ANO3: variants seen among roughly 807,000 people sequenced by gnomAD.
ANO3 encodes anoctamin-3.
In ANO3, 99 loss-of-function variants were observed where a neutral mutation model predicts 144.8. The observed-to-expected ratio is 0.68, with a 90% confidence interval of 0.58 to 0.81. The LOEUF is 0.81. Among genes scored for constraint, ANO3 ranks in the 30% least tolerant of loss-of-function variants. ANO3 has a pLI of 0.00. For synonymous variants in ANO3, 414 were observed against 392.6 expected, an observed-to-expected ratio of 1.05 and a Z score of -0.64; for missense variants, 905 against 1,202.2, an observed-to-expected ratio of 0.75 and a Z score of 3.66.
intron 14 of ANO3, among the ~76,000 whole-genome samples, chr11:26,576,464 C>T (rs1015446903): frequency 6.6e-6 from 1 of 152,094 alleles, no homozygotes; most frequent in Non-Finnish European, 1.5e-5. Flanking sequence ...TGTACAAGCA[C>T]ATATTAGATT....
rs373307262 is a variant in ANO3, at chr11:26,533,001, A to G, written c.870-1455A>G. On this transcript the variant is annotated intron_variant, in intron 8 of 26. Transcript: ENST00000256737. ...GGAATGCTGAATCAATTTAATGGGGAAAGAGGCAGGTGGACATTCCTTCTC... is the reference window on the plus strand; with the variant it reads ...GGAATGCTGAATCAATTTAATGGGGGAAGAGGCAGGTGGACATTCCTTCTC... Among the ~76,000 whole-genome samples the G allele has an allele frequency of 1.1e-3, 175 of 152,304 alleles. 4 individuals are homozygous for G. In the East Asian group the frequency reaches 0.031, roughly 27 times the overall value.
intron 14 of ANO3, among the ~76,000 whole-genome samples, chr11:26,589,490 G>GTT (rs201687640): frequency 6.6e-5 from 10 of 150,422 alleles, no homozygotes; most frequent in South Asian, 6.3e-4. Flanking sequence ...CAATTCAATG[G>GTT]GTTTTTTGCA....
chr11:26,292,901 A>C (rs1853992858), intron 1 of ANO3, among the ~76,000 whole-genome samples: 1 of 152,140 alleles, frequency 6.6e-6, no homozygotes, highest in Non-Finnish European at 1.5e-5. Context: ...ACGAGGAGGC[A>C]GTCTGTCCGT....
intron 14 of ANO3, chr11:26,560,887 A>T (rs976285116): frequency 3.5e-6 from 2 of 566,896 alleles, no homozygotes; most frequent in Non-Finnish European, 2.9e-6. Context: ...AATTGTAAGA[A>T]AGAAAACCTT....
chr11:26,586,287 C>T (rs1851272408), intron 14 of ANO3, among the ~76,000 whole-genome samples: 1 of 150,842 alleles, frequency 6.6e-6, no homozygotes, highest in Admixed American at 6.6e-5. Flanking sequence ...GTTAGTTTGT[C>T]AGTTCTTCCA....
intron 1 of ANO3, among the ~76,000 whole-genome samples, chr11:26,339,556 CCTGT>C (rs1040468213): frequency 6.6e-6 from 1 of 152,136 alleles, no homozygotes; most frequent in African/African-American, 2.4e-5. Context: ...GCATTTCACT[CCTGT>C]CTAATTTTCA....
chr11:26,521,564 A>G (rs1306457617), intron 6 of ANO3, among the ~76,000 whole-genome samples: 1 of 152,094 alleles, frequency 6.6e-6, no homozygotes, highest in Non-Finnish European at 1.5e-5. Context: ...TACATGTTGG[A>G]CTTGATGTTT....
chr11:26,305,955 T>G (rs1854369708), upstream of ANO3, among the ~76,000 whole-genome samples: 1 of 152,070 alleles, frequency 6.6e-6, no homozygotes, highest in South Asian at 2.1e-4. Flanking sequence ...CTGCACTTTA[T>G]TCTTCCTATT....
chr11:26,641,835 A>T, intron 21 of ANO3, 61 bp from the exon 22 acceptor site: 1 of 1,519,784 alleles, frequency 6.6e-7, no homozygotes, highest in Non-Finnish European at 8.9e-7. Context: ...AATTCACTAT[A>T]CATTGTTAAC....
chr11:26,350,469 G>A (rs780362673), intron 1 of ANO3, among the ~76,000 whole-genome samples: 2 of 152,110 alleles, frequency 1.3e-5, no homozygotes, highest in African/African-American at 2.4e-5. Context: ...CTTTGAAATT[G>A]TTTCTTTTTA....
At chr11:26,473,272 C>T (rs1859845919) in intron 4 of ANO3, among the ~76,000 whole-genome samples, 1 of 151,896 alleles carries the variant, frequency 6.6e-6, no homozygotes, top group Non-Finnish European at 1.5e-5. Flanking sequence ...ATTTTTAAAA[C>T]AGAAATAAAT....
intron 6 of ANO3, among the ~76,000 whole-genome samples, chr11:26,522,215 A>AAC (rs141385317): frequency 1.3e-4 from 13 of 98,784 alleles, no homozygotes; most frequent in South Asian, 8.0e-4. Context: ...CAACAACAAC[A>AAC]AAAAAAAAAC....
intron 1 of ANO3, among the ~76,000 whole-genome samples, chr11:26,316,311 G>C (rs1854624254): frequency 6.6e-6 from 1 of 152,202 alleles, no homozygotes; most frequent in Non-Finnish European, 1.5e-5. Flanking sequence ...AGTGAGGGCA[G>C]GGGTAGGTTA....
chr11:26,240,244 A>G (rs1358856622), intron 1 of ANO3, among the ~76,000 whole-genome samples: 2 of 152,216 alleles, frequency 1.3e-5, no homozygotes, highest in African/African-American at 4.8e-5. Flanking sequence ...TTCAGTGACT[A>G]TAGTTTTCAT....
chr11:26,442,095 C>A lies in ANO3; in HGVS notation c.224C>A (p.Thr75Asn). The A allele has an allele frequency of 6.2e-7, 1 of 1,612,188 alleles. No individual in the cohort carries two copies. Among genetic ancestry groups the A allele is most frequent in the Non-Finnish European group, 8.5e-7 (1 of 1,179,596 alleles). Reference sequence around the variant, plus strand: ...CCCACATCTATAACCTTAATCTCCACTGACAAAGCAGAGCAAGGTGAGCAG... The same window carrying A: ...CCCACATCTATAACCTTAATCTCCAATGACAAAGCAGAGCAAGGTGAGCAG... ...QAPTSITLIS[T>N]DKAEQVNTEE... The change falls in exon 2 of 27, where the codon ACT becomes AAT. Residue 75 changes from threonine to asparagine, a missense_variant. Coordinates refer to ENST00000256737, the MANE Select transcript of ANO3 (RefSeq NM_031418.4).
chr11:26,530,241 T>C (rs956936811), intron 7 of ANO3, among the ~76,000 whole-genome samples: 1 of 152,212 alleles, frequency 6.6e-6, no homozygotes, highest in Non-Finnish European at 1.5e-5. Flanking sequence ...AGGCAAGAAG[T>C]TAAATAACTT....
intron 1 of ANO3, among the ~76,000 whole-genome samples, chr11:26,255,777 G>T (rs919953245): frequency 3.3e-5 from 5 of 152,074 alleles, no homozygotes; most frequent in Non-Finnish European, 7.4e-5. Context: ...GGTTCCTGGA[G>T]CAAACAACTA....
chr11:26,656,368 G>A lies in ANO3; in HGVS notation c.2658-8G>A, dbSNP rs753670908. 1 of 1,575,666 alleles carries A rather than the reference G, an allele frequency of 6.3e-7. No individual in the cohort carries two copies. The highest frequency in any genetic ancestry group is 1.1e-5 in the South Asian group (1 of 89,324). On this transcript the variant is annotated splice_polypyrimidine_tract_variant and splice_region_variant and intron_variant, in intron 25 of 26. Coordinates refer to ENST00000256737, the MANE Select transcript of ANO3 (RefSeq NM_031418.4). The stretch of plus-strand genomic sequence containing the variant: ...ATTTGTCATTCTCTTTGTTTTTGTG[G>A]ATTTCAGGTACAGAGACTACAGAGG...
chr11:26,624,394 A>T lies in ANO3; in HGVS notation c.1837-68A>T. ...ACATACATTATAGATGTTTCTTCAA[A>T]TAGTGTAAATACCAGCCTTTTCCAA... On this transcript the variant is annotated intron_variant, in intron 17 of 26. Coordinates refer to ENST00000256737, the MANE Select transcript of ANO3 (RefSeq NM_031418.4). The T allele has an allele frequency of 3.7e-6, 4 of 1,092,130 alleles. No homozygotes were observed. The South Asian group carries it at 5.5e-5, about 15-fold the overall frequency. The allele number at this position is 1,092,130 out of a possible 1,614,324, so 67.7% of individuals were successfully genotyped here. A position where few individuals can be genotyped will look rare whatever the true frequency, so the allele number is the denominator to read the frequency against.
Sources: allele counts gnomAD v4.1 joint callset (sites outside exome capture counted in the v4.1 genomes callset), GRCh38; gene constraint gnomAD v4.1.1; transcripts MANE v1.5; gene names NCBI Gene and HGNC (gene_info 2026-07-23, HGNC 2026-07-21).